ACOXL: variants seen among roughly 807,000 people sequenced by gnomAD.
ACOXL encodes the protein acyl-CoA oxidase like, also known as acyl-coenzyme A oxidase-like protein.
A neutral mutation model predicts 71.9 loss-of-function variants in ACOXL; 70 were observed. The ratio of observed to expected loss-of-function variants is 0.97; its 90% CI spans 0.80 to 1.19. The LOEUF (loss-of-function observed/expected upper bound fraction) is 1.19, where lower values mean the gene tolerates loss of function less well. Ranked by LOEUF, ACOXL falls within the 50% of genes most tolerant of loss-of-function variation. The probability of loss-of-function intolerance (pLI) is 0.00; values close to 1 mark genes in which losing one functional copy is unlikely to be tolerated. For synonymous variants in ACOXL, 253 were observed against 281.6 expected (o/e 0.90, Z 1.02); for missense variants, 703 against 736.3 (o/e 0.95, Z 0.52).
At chr2:110,859,074 A>G (rs1051028399) in intron 10 of ACOXL, among the ~76,000 whole-genome samples, 1 of 152,260 alleles carries the variant, frequency 6.6e-6, no homozygotes, top group Non-Finnish European at 1.5e-5. Context: ...CTCTGCGTTT[A>G]GGATACGTTC....
intron 12 of ACOXL, among the ~76,000 whole-genome samples, chr2:110,957,374 C>G (rs1324216390): frequency 6.6e-6 from 1 of 152,212 alleles, no homozygotes; most frequent in Non-Finnish European, 1.5e-5. Context: ...TGATTTATCT[C>G]TGGTCAGGAA....
intron 11 of ACOXL, among the ~76,000 whole-genome samples, chr2:110,926,254 T>C (rs993065978): frequency 3.3e-5 from 5 of 152,250 alleles, no homozygotes; most frequent in African/African-American, 1.2e-4. Context: ...GAAAGGGCTC[T>C]GATAGAATTG....
chr2:110,880,466 A>T (rs539983976), intron 10 of ACOXL, among the ~76,000 whole-genome samples: 1 of 152,166 alleles, frequency 6.6e-6, no homozygotes, highest in Non-Finnish European at 1.5e-5. Context: ...TTATGTAACA[A>T]TCCTTCTACT....
At chr2:110,810,679 A>G (rs183578840) in intron 9 of ACOXL, among the ~76,000 whole-genome samples, 2 of 152,246 alleles carry the variant, frequency 1.3e-5, no homozygotes, top group African/African-American at 4.8e-5. Context: ...CCATCCAATA[A>G]TCCATTCATC....
At chr2:110,993,407 G>A (rs1193610236) in intron 13 of ACOXL, among the ~76,000 whole-genome samples, 2 of 152,228 alleles carry the variant, frequency 1.3e-5, no homozygotes, top group Non-Finnish European at 2.9e-5. Context: ...CTCTTTTGTA[G>A]CTGCCTCGTG....
chr2:110,733,357 C>T (rs547578223), intron 1 of ACOXL, among the ~76,000 whole-genome samples: 1 of 152,280 alleles, frequency 6.6e-6, no homozygotes, highest in South Asian at 2.1e-4. Context: ...GATGCCAGGA[C>T]AGCCCTGAGA....
At position 111,095,391 on chromosome 2, in the gene ACOXL, C is replaced by CTTTTTTT. The variant is rs780172456; in HGVS notation, c.1542+2437_1542+2443dup. 5.8e-3 allele frequency among the ~76,000 whole-genome samples: 679 copies of CTTTTTTT among 116,246 alleles called. 1 individual carries two copies. Among genetic ancestry groups the CTTTTTTT allele is most frequent in the East Asian group, 7.5e-3 (30 of 4,000 alleles). The allele number at this position is 116,246 out of a possible 152,430, so 76.3% of individuals were successfully genotyped here. On this transcript the variant is annotated intron_variant, in intron 17 of 17. Coordinates refer to ENST00000439055, the MANE Select transcript of ACOXL (RefSeq NM_001142807.4). ...TGCTTTTGTATTTATTTTTCTTTTTCTTTTTTTTTTTTTTTTTTGAGTTGG... is the reference window on the plus strand; with the variant it reads ...TGCTTTTGTATTTATTTTTCTTTTTCTTTTTTTTTTTTTTTTTTTTTTTTTGAGTTGG...
At chr2:110,856,007 C>T (rs1693195533) in intron 10 of ACOXL, among the ~76,000 whole-genome samples, 1 of 152,098 alleles carries the variant, frequency 6.6e-6, no homozygotes, top group Non-Finnish European at 1.5e-5. Context: ...TTTCAATCCT[C>T]CCTGTGATTG....
chr2:110,784,578 A>G (rs1430277091), intron 2 of ACOXL, among the ~76,000 whole-genome samples, 154 bp from the exon 3 acceptor site: 1 of 152,244 alleles, frequency 6.6e-6, no homozygotes, highest in African/African-American at 2.4e-5. Context: ...CATTTACTTT[A>G]GTAGAATGAT....
intron 12 of ACOXL, among the ~76,000 whole-genome samples, chr2:110,977,461 G>A (rs909665035): frequency 2.0e-5 from 3 of 151,856 alleles, no homozygotes; most frequent in African/African-American, 7.3e-5. Flanking sequence ...AAGGAATGAA[G>A]AGTGACAAAG....
chr2:111,100,612 G>A (rs2069080319), intron 17 of ACOXL: 1 of 153,102 alleles, frequency 6.5e-6, no homozygotes, highest in African/African-American at 2.4e-5. Flanking sequence ...CGTTTCTGTT[G>A]GCACCTTAGT....
rs73956467 is a variant in ACOXL at position 110,805,445 on chromosome 2, A to T, written c.753+50A>T. 3,665 of 1,610,190 alleles carry T rather than the reference A, an allele frequency of 2.3e-3. 83 individuals are homozygous for T. The African/African-American group carries it at 0.044, about 19-fold the overall frequency. ...ATTATCTACTGTGAATTCTCTCACG[A>T]CTCAGGGATGAGTAACAATTCCAGG... On this transcript the variant is annotated intron_variant, in intron 9 of 17. Transcript: ENST00000439055.
chr2:110,763,045 A>G (rs914838209), intron 1 of ACOXL, among the ~76,000 whole-genome samples: 3 of 152,230 alleles, frequency 2.0e-5, no homozygotes. Flanking sequence ...TATTATTTCA[A>G]AAAGTCATGA....
At chr2:111,117,323 C>A (rs1228010437) in intron 17 of ACOXL, among the ~76,000 whole-genome samples, 1 of 152,198 alleles carries the variant, frequency 6.6e-6, no homozygotes, top group Non-Finnish European at 1.5e-5. Context: ...AGACCTTGGT[C>A]TCGAGTTCCC....
intron 14 of ACOXL, among the ~76,000 whole-genome samples, chr2:111,024,694 G>T (rs1160289358): frequency 6.6e-6 from 1 of 151,972 alleles, no homozygotes; most frequent in Non-Finnish European, 1.5e-5. Flanking sequence ...CAAGCAGGTA[G>T]GTGCAGAAAG....
At chr2:111,074,402 G>C (rs972067080) in intron 16 of ACOXL, among the ~76,000 whole-genome samples, 12 of 151,972 alleles carry the variant, frequency 7.9e-5, no homozygotes, top group African/African-American at 2.4e-4. Flanking sequence ...AGGGCTTTCT[G>C]TGTGTATGTG....
chr2:111,072,482 T>C (rs2067387622), intron 16 of ACOXL, among the ~76,000 whole-genome samples: 1 of 152,232 alleles, frequency 6.6e-6, no homozygotes, highest in Non-Finnish European at 1.5e-5. Context: ...TGTTTTTCCA[T>C]TCACCCTTTG....
intron 14 of ACOXL, among the ~76,000 whole-genome samples, chr2:111,018,670 T>G (rs2064584604): frequency 1.3e-5 from 2 of 149,348 alleles, no homozygotes; most frequent in Admixed American, 6.7e-5. Context: ...CCCAGAAGAG[T>G]GAGGATGCAG....
chr2:110,921,397 C>T (rs888676990), intron 11 of ACOXL, among the ~76,000 whole-genome samples: 5 of 127,962 alleles, frequency 3.9e-5, no homozygotes, highest in East Asian at 5.0e-4. Context: ...CACCCCCCCC[C>T]CCCTTTTTTT....
Sources: allele counts gnomAD v4.1 joint callset (sites outside exome capture counted in the v4.1 genomes callset), GRCh38; gene constraint gnomAD v4.1.1; transcripts MANE v1.5; gene names NCBI Gene and HGNC (gene_info 2026-07-23, HGNC 2026-07-21).